DLG2: variants seen among roughly 807,000 people sequenced by gnomAD.
The protein encoded by DLG2 is discs large MAGUK scaffold protein 2.
Under a neutral mutation model 132.5 loss-of-function variants are expected in DLG2, and 45 were observed. The observed-to-expected ratio is 0.34, with a 90% CI of 0.27 to 0.44. The LOEUF (loss-of-function observed/expected upper bound fraction) is 0.44, where lower values mean the gene tolerates loss of function less well. DLG2 is among the 20% of genes least tolerant of loss of function. The pLI, the probability that DLG2 is intolerant of heterozygous loss-of-function variation, is 1.00. For missense variants in DLG2, 1,045 were observed against 1,196.9 expected (o/e 0.87, Z 1.87); for synonymous variants, 424 against 419.6 (o/e 1.01, Z -0.13).
At chr11:84,660,329 C>T (rs2099693177) in intron 6 of DLG2, among the ~76,000 whole-genome samples, 1 of 152,138 alleles carries the variant, frequency 6.6e-6, no homozygotes, top group African/African-American at 2.4e-5. Flanking sequence ...TTCCTCTTAA[C>T]TCCCAGGATC....
intron 6 of DLG2, among the ~76,000 whole-genome samples, chr11:84,996,538 A>G (rs1192306849): frequency 6.6e-6 from 1 of 152,088 alleles, no homozygotes; most frequent in Non-Finnish European, 1.5e-5. Flanking sequence ...TTACTTGTTT[A>G]TTTGTTTCAG....
At chr11:85,510,060 A>AG (rs1434400213) in intron 3 of DLG2, 1 of 151,598 alleles carries the variant, frequency 6.6e-6, no homozygotes, top group Admixed American at 6.6e-5. Flanking sequence ...AAAAAAAAAA[A>AG]AACAGGTTAG....
intron 21 of DLG2, among the ~76,000 whole-genome samples, chr11:83,500,243 G>A (rs1409911781): frequency 1.3e-5 from 2 of 151,950 alleles, no homozygotes; most frequent in Non-Finnish European, 2.9e-5. Context: ...TATATTTGGT[G>A]CATGAATAAA....
intron 15 of DLG2, among the ~76,000 whole-genome samples, chr11:83,913,294 A>G (rs1325642333): frequency 6.6e-6 from 1 of 152,128 alleles, no homozygotes; most frequent in Non-Finnish European, 1.5e-5. Flanking sequence ...TTGATGGCAC[A>G]GAGCATTTCA....
intron 11 of DLG2, among the ~76,000 whole-genome samples, chr11:83,999,884 G>T (rs1246399841): frequency 1.3e-5 from 2 of 150,474 alleles, no homozygotes; most frequent in East Asian, 4.0e-4. Context: ...CCCTACAAAA[G>T]CAAATTAAAA....
chr11:83,821,186 T>C (rs1301342012), intron 17 of DLG2, among the ~76,000 whole-genome samples: 1 of 152,200 alleles, frequency 6.6e-6, no homozygotes, highest in Admixed American at 6.5e-5. Context: ...CTTCAAGCTC[T>C]GCAGTTGTTC....
At chr11:84,877,516 T>TA (rs1417477009) in intron 6 of DLG2, among the ~76,000 whole-genome samples, 7 of 141,298 alleles carry the variant, frequency 5.0e-5, no homozygotes, top group Non-Finnish European at 4.6e-5. Flanking sequence ...CCCCTGCTTT[T>TA]TTTTTTTTTT....
chr11:85,072,259 A>G (rs1177551240), intron 6 of DLG2, among the ~76,000 whole-genome samples: 1 of 151,852 alleles, frequency 6.6e-6, no homozygotes, highest in African/African-American at 2.4e-5. Context: ...TGGCTGAACC[A>G]GGGTATACAG....
intron 6 of DLG2, among the ~76,000 whole-genome samples, chr11:85,016,214 C>T (rs1461431471): frequency 6.6e-6 from 1 of 151,940 alleles, no homozygotes; most frequent in African/African-American, 2.4e-5. Flanking sequence ...TCTTTTGCAC[C>T]TATGTTATTA....
At chr11:84,587,046 A>C (rs2099531496) in intron 6 of DLG2, among the ~76,000 whole-genome samples, 1 of 152,114 alleles carries the variant, frequency 6.6e-6, no homozygotes, top group Non-Finnish European at 1.5e-5. Context: ...CTAATATCTT[A>C]TTGTTCACTG....
intron 7 of DLG2, among the ~76,000 whole-genome samples, chr11:84,503,384 T>A (rs1483427635): frequency 6.6e-6 from 1 of 152,118 alleles, no homozygotes; most frequent in African/African-American, 2.4e-5. Context: ...GGTTGATGCA[T>A]AAAGATCAGA....
chr11:85,389,219 AG>A (rs2086598325), intron 3 of DLG2, among the ~76,000 whole-genome samples: 4 of 152,202 alleles, frequency 2.6e-5, no homozygotes, highest in Admixed American at 2.0e-4. Flanking sequence ...TGCACTAAAA[AG>A]TCTCAGCAAT....
At chr11:85,041,647 T>C (rs1593130626) in intron 6 of DLG2, among the ~76,000 whole-genome samples, 1 of 152,016 alleles carries the variant, frequency 6.6e-6, no homozygotes, top group South Asian at 2.1e-4. Context: ...CAATAAGAGA[T>C]GATGCTGATT....
Position 85,467,847 on chromosome 11 carries a change from C to T in DLG2, c.40+130810G>A, listed in dbSNP as rs561493234. 9.4e-4 allele frequency among the ~76,000 whole-genome samples: 143 copies of T among 152,298 alleles called. 1 individual carries two copies. Among genetic ancestry groups the T allele is most frequent in the African/African-American group, 3.3e-3 (136 of 41,578 alleles). ...CATAAAATGAGTTAGGGAGGATTCC[C>T]TCTTTTTCTACTCATTGGAATAATT... On this transcript the variant is annotated intron_variant, in intron 3 of 27. Transcript: ENST00000376104.
At chr11:85,553,563 A>C (rs2076781643) in intron 3 of DLG2, among the ~76,000 whole-genome samples, 1 of 151,708 alleles carries the variant, frequency 6.6e-6, no homozygotes, top group Admixed American at 6.6e-5. Flanking sequence ...GCAGATGAAA[A>C]ACTGATATTA....
At position 83,514,203 on chromosome 11, in the gene DLG2, A is replaced by C. The variant is rs1054841763; in HGVS notation, c.2193+18505T>G. 7.9e-5 allele frequency among the ~76,000 whole-genome samples: 12 copies of C among 151,984 alleles called. No individual in the cohort carries two copies. In the East Asian group the frequency reaches 1.7e-3, roughly 22 times the overall value. ...ATTTGTCTGTATCCTCTTTTATTTC[A>C]TTGAGCAGTGGTTTGTAGTTCTCCT... On this transcript the variant is annotated intron_variant, in intron 21 of 27. Coordinates refer to ENST00000376104, the MANE Select transcript of DLG2 (RefSeq NM_001142699.3).
intron 3 of DLG2, among the ~76,000 whole-genome samples, chr11:85,547,389 A>G (rs898801963): frequency 6.6e-6 from 1 of 152,140 alleles, no homozygotes; most frequent in Non-Finnish European, 1.5e-5. Flanking sequence ...CTTTGTGGGT[A>G]ACCTGACCTT....
At chr11:84,563,649 C>T (rs2154526572) in intron 6 of DLG2, among the ~76,000 whole-genome samples, 1 of 152,304 alleles carries the variant, frequency 6.6e-6, no homozygotes, top group Admixed American at 6.5e-5. Context: ...TAAAATCGGT[C>T]TTGTTCTTAC....
chr11:83,909,731 T>C (rs1457865929), intron 15 of DLG2, among the ~76,000 whole-genome samples: 4 of 152,180 alleles, frequency 2.6e-5, no homozygotes, highest in Admixed American at 6.6e-5. Context: ...CATTAATTGT[T>C]ATGCTTCATC....
Sources: gnomAD v4.1 joint callset for allele counts (sites outside exome capture counted in the v4.1 genomes callset) on GRCh38, gnomAD v4.1.1 for gene constraint, MANE v1.5 for transcripts, NCBI Gene and HGNC (gene_info 2026-07-23, HGNC 2026-07-21) for gene names.